CNTNAP5: variants seen among roughly 807,000 people sequenced by gnomAD.
The protein encoded by CNTNAP5 is contactin associated protein family member 5, also known as contactin-associated protein-like 5.
CNTNAP5 carries 72 observed loss-of-function variants against 150.2 expected under a neutral mutation model. That is an observed-to-expected ratio of 0.48 (90% CI 0.40 to 0.58). The LOEUF (loss-of-function observed/expected upper bound fraction) is 0.58. Ranked by LOEUF, CNTNAP5 falls within the 20% of genes least tolerant of loss-of-function variation. The pLI is 0.00. For synonymous variants in CNTNAP5, 672 were observed against 619.8 expected (o/e 1.08, Z -1.25); for missense variants, 1,636 against 1,626.2 (o/e 1.01, Z -0.10).
intron 13 of CNTNAP5, among the ~76,000 whole-genome samples, chr2:124,677,257 C>T (rs912391041): frequency 6.6e-6 from 1 of 152,156 alleles, no homozygotes; most frequent in Non-Finnish European, 1.5e-5. Context: ...GTAGCTTTTT[C>T]CTCCCAGTGG....
In CNTNAP5 at chr2:124,920,128, A is replaced by C. The variant is rs562036412; in HGVS notation, c.*5840A>C. ...AAGGAAACCCTTTATAAAATAGGAC[A>C]AAATTAGGAGATTAGTCCCAAGCCA... is the stretch of plus-strand genomic sequence containing the variant. On this transcript the variant is annotated 3_prime_UTR_variant, in exon 24 of 24. Coordinates refer to ENST00000682447, the MANE Select transcript of CNTNAP5 (RefSeq NM_001367498.1). Among the ~76,000 whole-genome samples, 2 of 152,272 alleles carry C rather than the reference A, an allele frequency of 1.3e-5. No homozygotes were observed. The highest frequency in any genetic ancestry group is 2.9e-5 in the Non-Finnish European group (2 of 68,008).
intron 13 of CNTNAP5, among the ~76,000 whole-genome samples, chr2:124,665,487 T>C (rs1678679165): frequency 6.6e-6 from 1 of 152,200 alleles, no homozygotes; most frequent in South Asian, 2.1e-4. Context: ...TTTATTCCCT[T>C]TTTTAGAAAA....
intron 8 of CNTNAP5, among the ~76,000 whole-genome samples, chr2:124,523,548 GC>G (rs1405023979): frequency 6.6e-6 from 1 of 152,176 alleles, no homozygotes; most frequent in Non-Finnish European, 1.5e-5. Context: ...ACAGGGTACA[GC>G]AAAGACAGCT....
chr2:124,178,092 C>T (rs1047325141), intron 1 of CNTNAP5, among the ~76,000 whole-genome samples: 22 of 152,062 alleles, frequency 1.4e-4, no homozygotes, highest in Non-Finnish European at 2.2e-4. Context: ...CGTGATCCAC[C>T]CGCCTCGGCC....
intron 3 of CNTNAP5, among the ~76,000 whole-genome samples, chr2:124,326,502 A>C (rs1689221827): frequency 1.3e-5 from 2 of 152,238 alleles, no homozygotes. Flanking sequence ...TTTTATTAGA[A>C]AGTAAGTTTA....
intron 18 of CNTNAP5, among the ~76,000 whole-genome samples, chr2:124,796,700 A>T (rs912028191): frequency 6.6e-6 from 1 of 152,376 alleles, no homozygotes; most frequent in Non-Finnish European, 1.5e-5. Flanking sequence ...AGGTATTATT[A>T]TATTGTAGGT....
chr2:124,275,674 T>C (rs1687867483), intron 3 of CNTNAP5, among the ~76,000 whole-genome samples: 1 of 152,154 alleles, frequency 6.6e-6, no homozygotes, highest in Admixed American at 6.6e-5. Context: ...CCATGGTTTT[T>C]CTTACATTCT....
chr2:124,391,198 A>G (rs183718341), intron 3 of CNTNAP5, among the ~76,000 whole-genome samples: 6 of 152,354 alleles, frequency 3.9e-5, no homozygotes, highest in Admixed American at 3.9e-4. Context: ...TCTCGTGTCC[A>G]TTTTAAAAAT....
intron 6 of CNTNAP5, 98 bp downstream of exon 6, chr2:124,447,035 A>T (rs750620851): frequency 5.8e-4 from 685 of 1,186,006 alleles, no homozygotes; most frequent in Non-Finnish European, 6.7e-4. Flanking sequence ...GTGGTGGGGC[A>T]CTGAGGAGTC....
At position 124,221,693 on chromosome 2, in the gene CNTNAP5, CT is replaced by C. The variant is rs1686320849; in HGVS notation, c.83-11del. The C allele has an allele frequency of 6.4e-7, 1 of 1,556,484 alleles. No homozygotes were observed. The highest frequency in any genetic ancestry group is 1.4e-5 in the African/African-American group (1 of 73,780). On this transcript the variant is annotated splice_polypyrimidine_tract_variant and intron_variant, in intron 1 of 23. Coordinates refer to ENST00000682447, the MANE Select transcript of CNTNAP5 (RefSeq NM_001367498.1). ...ATCTGGTCTCTCTCCCTCTGTCCTC[CT>C]ATCATTATAGACAACTGTGATGATC...
chr2:124,176,475 G>T (rs1156973760), intron 1 of CNTNAP5, among the ~76,000 whole-genome samples: 2 of 152,174 alleles, frequency 1.3e-5, no homozygotes, highest in Admixed American at 1.3e-4. Flanking sequence ...GCCTCTGAAA[G>T]GTAGCTGAAA....
chr2:124,903,088 C>T lies in CNTNAP5; in HGVS notation c.3643C>T (p.His1215Tyr). 6.4e-7 allele frequency: 1 copy of T among 1,568,694 alleles called. No homozygotes were observed. The highest frequency in any genetic ancestry group is 8.7e-7 in the Non-Finnish European group (1 of 1,153,802). The change falls in exon 22 of 24, where the codon CAT becomes TAT. Residue 1215 changes from histidine to tyrosine, a missense_variant. Transcript: ENST00000682447. ...DSDVNAVTTVHSSSDPFGKTD... is the reference protein window; with the variant it reads ...DSDVNAVTTVYSSSDPFGKTD... ...AGATGTGAATGCAGTGACCACGGTG[C>T]ATTCTTCATCAGGTACACTCAAGAG... is the stretch of plus-strand genomic sequence containing the variant.
intron 13 of CNTNAP5, among the ~76,000 whole-genome samples, chr2:124,729,690 T>C (rs891187786): frequency 3.0e-4 from 46 of 152,186 alleles, no homozygotes; most frequent in African/African-American, 1.1e-3. Context: ...TTTGATGAAA[T>C]ATGATAGTTG....
intron 19 of CNTNAP5, among the ~76,000 whole-genome samples, chr2:124,820,538 G>T (rs189293797): frequency 1.3e-5 from 2 of 150,432 alleles, no homozygotes; most frequent in East Asian, 1.9e-4. Context: ...CAAAGGAAAG[G>T]GGGGGGAGAA....
intron 11 of CNTNAP5, 64 bp downstream of exon 11, chr2:124,563,387 T>G: frequency 1.1e-6 from 1 of 945,384 alleles, no homozygotes; most frequent in Non-Finnish European, 1.7e-6. Flanking sequence ...CATTGTTAAC[T>G]TCAGGATGTA....
At chr2:124,710,484 A>T (rs1475461169) in intron 13 of CNTNAP5, among the ~76,000 whole-genome samples, 1 of 152,166 alleles carries the variant, frequency 6.6e-6, no homozygotes, top group East Asian at 1.9e-4. Context: ...AGAATGTTTA[A>T]GTCTTCTCAG....
intron 10 of CNTNAP5, among the ~76,000 whole-genome samples, chr2:124,551,229 A>G (rs568100844): frequency 6.6e-6 from 1 of 152,244 alleles, no homozygotes; most frequent in East Asian, 1.9e-4. Flanking sequence ...GGATCATCGC[A>G]ACAATCTGCG....
intron 2 of CNTNAP5, among the ~76,000 whole-genome samples, chr2:124,231,688 C>T (rs1243115591): frequency 1.3e-5 from 2 of 152,134 alleles, no homozygotes; most frequent in South Asian, 4.1e-4. Context: ...AAAAACTAAC[C>T]TTGACCTGGA....
intron 21 of CNTNAP5, among the ~76,000 whole-genome samples, chr2:124,882,388 G>A (rs986758723): frequency 2.0e-5 from 3 of 152,124 alleles, no homozygotes; most frequent in Admixed American, 6.6e-5. Context: ...TCAGTGCCCT[G>A]GGTGGAAACC....
Sources: allele counts gnomAD v4.1 joint callset (sites outside exome capture counted in the v4.1 genomes callset), GRCh38; gene constraint gnomAD v4.1.1; transcripts MANE v1.5; gene names NCBI Gene and HGNC (gene_info 2026-07-23, HGNC 2026-07-21).